EML5: variants seen among roughly 807,000 people sequenced by gnomAD.
EML5 encodes the protein echinoderm microtubule-associated protein-like 5.
In EML5, 120 loss-of-function variants were observed where a neutral mutation model predicts 250.0. That is an observed-to-expected ratio of 0.48 (90% CI 0.41 to 0.56). The LOEUF (loss-of-function observed/expected upper bound fraction) is 0.56, where lower values mean the gene tolerates loss of function less well. EML5 is among the 20% of genes least tolerant of loss of function. The pLI is 0.00. For synonymous variants in EML5, 771 were observed against 806.5 expected, an observed-to-expected ratio of 0.96 and a Z score of 0.75; for missense variants, 2,006 against 2,437.6, an observed-to-expected ratio of 0.82 and a Z score of 3.73.
chr14:88,746,123 T>C, intron 3 of EML5, 62 bp downstream of exon 3: 1 of 1,328,960 alleles, frequency 7.5e-7, no homozygotes, highest in Non-Finnish European at 1.1e-6. Flanking sequence ...TAAAATCTCC[T>C]GAACTCTCTT....
rs1223558935 is a variant in EML5, at chr14:88,613,234, T to C, written c.*2584A>G. 1 of 152,180 alleles carries C rather than the reference T, an allele frequency of 6.6e-6. No individual in the cohort carries two copies. Among genetic ancestry groups the C allele is most frequent in the Non-Finnish European group, 1.5e-5 (1 of 68,028 alleles). 9.4% of individuals were successfully genotyped at this position (152,180 alleles called of 1,614,324 possible). On this transcript the variant is annotated 3_prime_UTR_variant, in exon 44 of 44. Transcript: ENST00000554922. ...GACAGAGCACACAAGTGCATAAGGC[T>C]GTTGTCTTCGGCTTGGGTGAAATGA...
At chr14:88,660,804 A>G (rs552639041) in intron 25 of EML5, among the ~76,000 whole-genome samples, 1 of 152,178 alleles carries the variant, frequency 6.6e-6, no homozygotes, top group East Asian at 1.9e-4. Flanking sequence ...GTAAATACCA[A>G]TTTTAAGCAG....
chr14:88,709,203 T>C lies in EML5; in HGVS notation c.1658-2777A>G, dbSNP rs948015745. Among the ~76,000 whole-genome samples the C allele has an allele frequency of 3.4e-4, 52 of 152,086 alleles. 1 individual carries two copies. Among genetic ancestry groups the C allele is most frequent in the African/African-American group, 1.3e-3 (52 of 41,532 alleles). On this transcript the variant is annotated intron_variant, in intron 10 of 43. Coordinates refer to ENST00000554922, the MANE Select transcript of EML5 (RefSeq NM_183387.3). ...TTTCTGACCCTAGTAAAAGTAAGAA[T>C]TTCTTAATATACAAAACTACACTAC...
rs543656370 is a variant in EML5 at position 88,673,338 on chromosome 14, C to G, written c.3125-7849G>C. On this transcript the variant is annotated intron_variant, in intron 21 of 43. Coordinates refer to ENST00000554922, the MANE Select transcript of EML5 (RefSeq NM_183387.3). ...AAGGCCTTTGATAAAATTCAACATC[C>G]CATCACGTTAAAAATTCTCAATAAA... Among the ~76,000 whole-genome samples the G allele has an allele frequency of 2.5e-3, 375 of 152,220 alleles. 5 individuals carry two copies. The highest frequency in any genetic ancestry group is 8.7e-3 in the African/African-American group (363 of 41,532).
intron 2 of EML5, among the ~76,000 whole-genome samples, chr14:88,747,847 T>C (rs184101681): frequency 3.2e-4 from 48 of 152,268 alleles, no homozygotes; most frequent in African/African-American, 1.1e-3. Context: ...GATGGACTTC[T>C]AGCCATGAAG....
At position 88,646,254 on chromosome 14, in the gene EML5, C is replaced by T. The variant is rs184741397; in HGVS notation, c.4028+693G>A. Among the ~76,000 whole-genome samples, 25 of 152,266 alleles carry T rather than the reference C, an allele frequency of 1.6e-4. 1 individual carries two copies. The East Asian group carries it at 4.4e-3, about 27-fold the overall frequency. On this transcript the variant is annotated intron_variant, in intron 29 of 43. Transcript: ENST00000554922. The stretch of plus-strand genomic sequence containing the variant: ...AAAAGTAAATGTGCTATATCTTAAA[C>T]ATCCAATAAGAAATGAATGGGATGT...
intron 2 of EML5, among the ~76,000 whole-genome samples, chr14:88,747,471 A>T (rs2094022957): frequency 6.6e-6 from 1 of 152,060 alleles, no homozygotes; most frequent in Non-Finnish European, 1.5e-5. Flanking sequence ...ACACACAAAC[A>T]CAACAAAATA....
chr14:88,659,651 A>G (rs1785978553), intron 25 of EML5, among the ~76,000 whole-genome samples: 1 of 138,532 alleles, frequency 7.2e-6, no homozygotes, highest in African/African-American at 2.7e-5. Flanking sequence ...TCCAGAACCT[A>G]TTCCTAAGGG....
Position 88,688,323 on chromosome 14 carries a change from T to C in EML5, c.2690A>G (p.Lys897Arg), listed in dbSNP as rs2092883074. 1 of 1,613,992 alleles carries C rather than the reference T, an allele frequency of 6.2e-7. No individual in the cohort carries two copies. The highest frequency in any genetic ancestry group is 1.3e-5 in the African/African-American group (1 of 75,056). ...VCIWRDIFLV[K>R]TVKAHDGPVF... Reference sequence around the variant, plus strand: ...TGGCCCATCATGCGCTTTCACTGTTTTTACAAGAAAGATGTCTCTCCAGAT... The same window carrying C: ...TGGCCCATCATGCGCTTTCACTGTTCTTACAAGAAAGATGTCTCTCCAGAT... Residue 897 changes from lysine (K) to arginine (R), a missense_variant, in exon 18 of 44, where the codon AAA (lysine) becomes AGA (arginine). Lys to Arg is a conservative substitution (Grantham distance 26, BLOSUM62 2). This residue lies in a region of EML5 where 1,375 missense variants were observed against 1,590.3 expected (regional missense o/e 0.86). Coordinates refer to ENST00000554922, the MANE Select transcript of EML5 (RefSeq NM_183387.3).
intron 7 of EML5, among the ~76,000 whole-genome samples, chr14:88,728,529 TAAGG>T (rs937364540): frequency 2.6e-5 from 4 of 152,128 alleles, no homozygotes; most frequent in African/African-American, 4.8e-5. Context: ...AAGAAAATCA[TAAGG>T]AAGAGAAAAT....
At chr14:88,676,600 T>C (rs1200618783) in intron 21 of EML5, among the ~76,000 whole-genome samples, 2 of 152,148 alleles carry the variant, frequency 1.3e-5, no homozygotes, top group African/African-American at 2.4e-5. Context: ...TAAACTACCA[T>C]TGACATTCTT....
chr14:88,758,744 C>T (rs191138361), intron 1 of EML5, among the ~76,000 whole-genome samples: 122 of 152,296 alleles, frequency 8.0e-4, no homozygotes, highest in African/African-American at 2.9e-3. Context: ...CAGCATCATT[C>T]ACAAATGGCC....
chr14:88,625,272 G>C, intron 35 of EML5, 145 bp from the exon 36 acceptor site: 1 of 927,988 alleles, frequency 1.1e-6, no homozygotes, highest in South Asian at 2.0e-5. Context: ...CTGAATTCAC[G>C]AGTCAGGAAA....
intron 33 of EML5, among the ~76,000 whole-genome samples, chr14:88,634,026 T>C (rs550281151): frequency 1.3e-5 from 2 of 152,336 alleles, no homozygotes; most frequent in South Asian, 2.1e-4. Context: ...TACTTGATGA[T>C]ATGGTTTGGA....
Position 88,665,368 on chromosome 14 carries a change from T to C in EML5, c.3246A>G (p.Lys1082=). The C allele has an allele frequency of 6.2e-7, 1 of 1,613,476 alleles. No homozygotes were observed. The highest frequency in any genetic ancestry group is 8.5e-7 in the Non-Finnish European group (1 of 1,179,684). Residue 1082 remains lysine (K), a synonymous_variant, in exon 22 of 44, where the codon AAA becomes AAG. Coordinates refer to ENST00000554922, the MANE Select transcript of EML5 (RefSeq NM_183387.3). ...LEDLVSFHHR[K]DMISDIRFSP... is the part of the protein sequence containing the mutation. ...AAAATCGAATATCTGAAATCATATC[T>C]TTTCTGTGATGAAAAGACACAAGAT...
At chr14:88,623,354 A>G (rs566705081) in intron 36 of EML5, 9 of 152,036 alleles carry the variant, frequency 5.9e-5, no homozygotes, top group African/African-American at 2.2e-4. Flanking sequence ...TAAAAAAACA[A>G]TTTTATTAAA....
intron 4 of EML5, 50 bp downstream of exon 4, chr14:88,743,973 A>G: frequency 7.8e-7 from 1 of 1,283,498 alleles, no homozygotes. Flanking sequence ...ATATATACTT[A>G]GCAGCAGAGA....
At chr14:88,743,954 A>T (rs1336396160) in intron 4 of EML5, 69 bp downstream of exon 4, 3 of 1,011,358 alleles carry the variant, frequency 3.0e-6, no homozygotes, top group African/African-American at 1.7e-5. Flanking sequence ...CTAAATTGTT[A>T]ACAGTGCAAT....
intron 21 of EML5, among the ~76,000 whole-genome samples, chr14:88,672,693 T>C (rs2092497327): frequency 6.6e-6 from 1 of 151,832 alleles, no homozygotes; most frequent in Non-Finnish European, 1.5e-5. Flanking sequence ...CAATAAAAAA[T>C]GATAAAGGGG....
Sources: allele counts gnomAD v4.1 joint callset (sites outside exome capture counted in the v4.1 genomes callset), GRCh38; gene constraint gnomAD v4.1.1; regional missense constraint gnomAD v4.1.1; transcripts MANE v1.5; gene names NCBI Gene and HGNC (gene_info 2026-07-23, HGNC 2026-07-21).